Variants in STX8 observed in about 807,000 individuals in gnomAD.
The protein encoded by STX8 is syntaxin 8.
In STX8, 23 loss-of-function variants were observed where a neutral mutation model predicts 37.5. The ratio of observed to expected loss-of-function variants is 0.61; its 90% CI spans 0.44 to 0.87. The LOEUF is 0.87. STX8 is among the 40% of genes least tolerant of loss of function. STX8 has a pLI of 0.00. For synonymous variants in STX8, 115 were observed against 99.1 expected, an observed-to-expected ratio of 1.16 and a Z score of -0.95; for missense variants, 313 against 284.7, an observed-to-expected ratio of 1.10 and a Z score of -0.71.
chr17:9,361,130 T>C (rs1911047854), intron 7 of STX8, among the ~76,000 whole-genome samples: 1 of 152,036 alleles, frequency 6.6e-6, no homozygotes, highest in Non-Finnish European at 1.5e-5. Flanking sequence ...AAAGGAAAGG[T>C]GAGCCAAAAA....
At chr17:9,374,535 C>T (rs1337514699) in intron 7 of STX8, among the ~76,000 whole-genome samples, 2 of 152,062 alleles carry the variant, frequency 1.3e-5, no homozygotes, top group Non-Finnish European at 2.9e-5. Flanking sequence ...ACTTGACTGA[C>T]CCCCGTACAG....
chr17:9,528,473 T>A (rs543803996), intron 4 of STX8, among the ~76,000 whole-genome samples: 1 of 152,232 alleles, frequency 6.6e-6, no homozygotes, highest in African/African-American at 2.4e-5. Flanking sequence ...AATTTTTGTA[T>A]TTTTAGTAGA....
At chr17:9,351,176 CTTTTTTTTTTT>C (rs71135970) in intron 7 of STX8, among the ~76,000 whole-genome samples, 2 of 99,814 alleles carry the variant, frequency 2.0e-5, no homozygotes, top group Non-Finnish European at 3.9e-5. Flanking sequence ...ATTTCCTTGT[CTTTTTTTTTTT>C]TTTTTTTTTT....
chr17:9,396,064 C>A (rs1912390939), intron 6 of STX8, among the ~76,000 whole-genome samples: 1 of 151,702 alleles, frequency 6.6e-6, no homozygotes, highest in Admixed American at 6.6e-5. Context: ...TAAGCCACAT[C>A]AAAACCTTTG....
intron 4 of STX8, among the ~76,000 whole-genome samples, chr17:9,538,273 G>T (rs1191326855): frequency 1.3e-5 from 2 of 152,184 alleles, no homozygotes; most frequent in Non-Finnish European, 2.9e-5. Context: ...GGGGGTTTAT[G>T]ATATGGATGT....
intron 6 of STX8, among the ~76,000 whole-genome samples, chr17:9,386,060 C>T (rs936931430): frequency 6.7e-6 from 1 of 149,802 alleles, no homozygotes; most frequent in Non-Finnish European, 1.5e-5. Context: ...TCATGCCTGG[C>T]TCACTCCTAG....
chr17:9,373,945 A>AAAAAAAAAAAAGTTCTGG (rs1911498600), intron 7 of STX8, among the ~76,000 whole-genome samples: 1 of 151,924 alleles, frequency 6.6e-6, no homozygotes, highest in South Asian at 2.1e-4. Flanking sequence ...ATCTAAAAAA[A>AAAAAAAAAAAAGTTCTGG]AAAAAAAAAA....
chr17:9,405,985 G>A (rs908672893), intron 6 of STX8, among the ~76,000 whole-genome samples: 23 of 152,114 alleles, frequency 1.5e-4, no homozygotes, highest in African/African-American at 5.6e-4. Flanking sequence ...CTTTCTTATA[G>A]CAATCCTGCA....
At chr17:9,329,442 T>A (rs1909890949) in intron 7 of STX8, among the ~76,000 whole-genome samples, 1 of 152,216 alleles carries the variant, frequency 6.6e-6, no homozygotes, top group African/African-American at 2.4e-5. Context: ...ATTTCTACAG[T>A]GCCACTTGGC....
chr17:9,468,030 C>T (rs1905689432), intron 6 of STX8, among the ~76,000 whole-genome samples: 1 of 152,164 alleles, frequency 6.6e-6, no homozygotes, highest in Non-Finnish European at 1.5e-5. Flanking sequence ...GGAGAAAAGA[C>T]ACAATATTAC....
chr17:9,480,384 G>C (rs1473454728), intron 6 of STX8, among the ~76,000 whole-genome samples: 2 of 152,048 alleles, frequency 1.3e-5, no homozygotes, highest in Non-Finnish European at 1.5e-5. Context: ...ATTAGGAAAA[G>C]AAAAAGTTTA....
chr17:9,506,315 G>A (rs558935069), intron 4 of STX8, among the ~76,000 whole-genome samples: 57 of 149,928 alleles, frequency 3.8e-4, no homozygotes, highest in African/African-American at 1.4e-3. Context: ...CTCATCTTTA[G>A]AGCTCTCAAC....
intron 4 of STX8, among the ~76,000 whole-genome samples, chr17:9,515,499 TC>T (rs1905136231): frequency 2.0e-5 from 3 of 152,072 alleles, no homozygotes; most frequent in African/African-American, 7.2e-5. Context: ...TCTTTCTCTC[TC>T]TCTCTCTCTC....
chr17:9,426,125 T>A (rs981414122), intron 6 of STX8, among the ~76,000 whole-genome samples: 3 of 152,164 alleles, frequency 2.0e-5, no homozygotes, highest in Admixed American at 6.6e-5. Flanking sequence ...TTTTGAAGGA[T>A]TTATTCTATG....
intron 7 of STX8, among the ~76,000 whole-genome samples, chr17:9,338,726 A>G (rs2142227707): frequency 6.6e-6 from 1 of 152,272 alleles, no homozygotes. Flanking sequence ...TCCAAGGCCC[A>G]AGACCCCCTG....
At chr17:9,311,985 T>C (rs545517201) in intron 7 of STX8, among the ~76,000 whole-genome samples, 113 of 151,762 alleles carry the variant, frequency 7.4e-4, no homozygotes, top group African/African-American at 2.6e-3. Flanking sequence ...GTAGCTGAGA[T>C]TACAGGTGCC....
chr17:9,520,390 T>A (rs1490228403), intron 4 of STX8, among the ~76,000 whole-genome samples: 6 of 152,182 alleles, frequency 3.9e-5, no homozygotes, highest in Non-Finnish European at 8.8e-5. Context: ...AAATGACAAG[T>A]AAGAGGCATT....
chr17:9,474,698 C>T lies in STX8; in HGVS notation c.541+17131G>A, dbSNP rs929748018. Among the ~76,000 whole-genome samples the T allele has an allele frequency of 2.6e-5, 4 of 152,366 alleles. No individual in the cohort carries two copies. In the East Asian group the frequency reaches 7.7e-4, roughly 29 times the overall value. On this transcript the variant is annotated intron_variant, in intron 6 of 7. Transcript: ENST00000306357. ...ATAAAGCGAAGGGTTCCCAGCCAGG[C>T]ACAGTGGCTCACGCCTGTAATCCCA...
intron 6 of STX8, among the ~76,000 whole-genome samples, chr17:9,449,617 C>T (rs537996711): frequency 1.5e-4 from 23 of 152,074 alleles, no homozygotes; most frequent in Non-Finnish European, 2.1e-4. Flanking sequence ...AGCTATTCCA[C>T]CACAATAAAA....
Sources: gnomAD v4.1 joint callset for allele counts (sites outside exome capture counted in the v4.1 genomes callset) on GRCh38, gnomAD v4.1.1 for gene constraint, MANE v1.5 for transcripts, NCBI Gene and HGNC (gene_info 2026-07-23, HGNC 2026-07-21) for gene names.